Variants in MAST4 observed in about 807,000 individuals in gnomAD.
The protein encoded by MAST4 is microtubule-associated serine/threonine-protein kinase 4.
A neutral mutation model predicts 162.7 loss-of-function variants in MAST4; 89 were observed. That is an observed-to-expected ratio of 0.55 (90% CI 0.46 to 0.65). MAST4 has a LOEUF of 0.65. Ranked by LOEUF, MAST4 falls within the 30% of genes least tolerant of loss-of-function variation. The pLI is 0.00. For synonymous variants in MAST4, 1,479 were observed against 1,361.1 expected (o/e 1.09, Z -1.91); for missense variants, 3,153 against 3,374.0 (o/e 0.93, Z 1.62).
At chr5:66,976,770 C>G (rs1748192212) in intron 4 of MAST4, among the ~76,000 whole-genome samples, 1 of 152,164 alleles carries the variant, frequency 6.6e-6, no homozygotes, top group African/African-American at 2.4e-5. Flanking sequence ...TACCCATGAC[C>G]TTTATGAGAC....
chr5:67,118,737 T>C lies in MAST4; in HGVS notation c.1647T>C (p.Asp549=), dbSNP rs767792185. 1.3e-6 allele frequency: 2 copies of C among 1,562,082 alleles called. No homozygotes were observed. The highest frequency in any genetic ancestry group is 1.7e-6 in the Non-Finnish European group (2 of 1,145,212). ...GGACAGCAGAAACACCAGAAACAGA[T>C]GAATCAGTGAGTGTAAGTATATTTC... is the stretch of plus-strand genomic sequence containing the variant. ...DSGTAETPET[D]ESVSSSNASL... Residue 549 remains aspartate, a synonymous_variant, in exon 13 of 29, where the codon GAT becomes GAC. Coordinates refer to ENST00000403625, the MANE Select transcript of MAST4 (RefSeq NM_001164664.2).
At chr5:66,633,616 T>C (rs1213637923) in intron 1 of MAST4, among the ~76,000 whole-genome samples, 1 of 152,246 alleles carries the variant, frequency 6.6e-6, no homozygotes, top group Non-Finnish European at 1.5e-5. Flanking sequence ...GCTAGGAATG[T>C]TAGATTTTTA....
At chr5:66,759,916 T>G (rs1753759165) in intron 2 of MAST4, 54 bp downstream of exon 2, 1 of 1,593,456 alleles carries the variant, frequency 6.3e-7, no homozygotes, top group Admixed American at 1.7e-5. Flanking sequence ...TACAAGGTCC[T>G]GCATGGCCCC....
At chr5:67,035,286 A>G (rs1416303885) in intron 4 of MAST4, among the ~76,000 whole-genome samples, 2 of 152,154 alleles carry the variant, frequency 1.3e-5, no homozygotes, top group African/African-American at 4.8e-5. Context: ...TTTCATTAGC[A>G]AACTGTACAG....
intron 1 of MAST4, among the ~76,000 whole-genome samples, chr5:66,645,208 C>A (rs1197911600): frequency 6.6e-6 from 1 of 151,992 alleles, no homozygotes; most frequent in African/African-American, 2.4e-5. Context: ...AAACTAAGGC[C>A]CAGAGGGATG....
At chr5:66,825,155 C>T (rs1757179655) in intron 3 of MAST4, among the ~76,000 whole-genome samples, 1 of 152,064 alleles carries the variant, frequency 6.6e-6, no homozygotes, top group Admixed American at 6.6e-5. Context: ...TATCACTTAG[C>T]TTAAAACATG....
chr5:66,764,379 A>G (rs996398815), intron 2 of MAST4, among the ~76,000 whole-genome samples: 5 of 152,230 alleles, frequency 3.3e-5, no homozygotes, highest in Non-Finnish European at 7.3e-5. Flanking sequence ...ATATTGGCTA[A>G]TGCAAACGGC....
At chr5:66,958,033 CAG>C (rs1161467453) in intron 4 of MAST4, among the ~76,000 whole-genome samples, 1 of 151,760 alleles carries the variant, frequency 6.6e-6, no homozygotes, top group Admixed American at 6.5e-5. Context: ...TGTAAAAAGA[CAG>C]AGTTTGACTT....
intron 4 of MAST4, among the ~76,000 whole-genome samples, chr5:67,025,017 CTAACTA>C (rs1754469057): frequency 6.6e-6 from 1 of 152,106 alleles, no homozygotes; most frequent in African/African-American, 2.4e-5. Context: ...GTTTCTGCCA[CTAACTA>C]GTTGTGTGAC....
intron 2 of MAST4, among the ~76,000 whole-genome samples, chr5:66,788,259 G>A (rs1048063731): frequency 6.6e-6 from 1 of 152,180 alleles, no homozygotes; most frequent in African/African-American, 2.4e-5. Flanking sequence ...CCACTTTGTA[G>A]ATTATTTTAT....
chr5:67,065,530 A>G (rs7731707), intron 5 of MAST4, among the ~76,000 whole-genome samples: 6,799 of 152,262 alleles, frequency 0.045, 432 homozygotes, highest in African/African-American at 0.14. Context: ...CGTTAGTGTG[A>G]GGATCAGCCA....
intron 14 of MAST4, among the ~76,000 whole-genome samples, chr5:67,128,279 G>A (rs1411962100): frequency 6.6e-6 from 1 of 152,106 alleles, no homozygotes; most frequent in South Asian, 2.1e-4. Flanking sequence ...AAAATGGTGG[G>A]AGCCCAAGGC....
intron 1 of MAST4, among the ~76,000 whole-genome samples, chr5:66,611,844 T>A (rs1200933381): frequency 6.6e-6 from 1 of 152,266 alleles, no homozygotes; most frequent in Non-Finnish European, 1.5e-5. Flanking sequence ...TAATTACTAC[T>A]GCTGCTTTCT....
chr5:66,681,527 C>T (rs1748326578), intron 1 of MAST4, among the ~76,000 whole-genome samples: 1 of 152,190 alleles, frequency 6.6e-6, no homozygotes, highest in Non-Finnish European at 1.5e-5. Context: ...AACAGACTTC[C>T]CAGGTCCCTG....
intron 4 of MAST4, among the ~76,000 whole-genome samples, chr5:66,980,522 G>A (rs1323722904): frequency 6.6e-6 from 1 of 152,182 alleles, no homozygotes; most frequent in Non-Finnish European, 1.5e-5. Flanking sequence ...TGGTTTTGGA[G>A]CTCTATGCCT....
At chr5:67,090,752 T>C (rs1763774697) in intron 6 of MAST4, among the ~76,000 whole-genome samples, 1 of 151,844 alleles carries the variant, frequency 6.6e-6, no homozygotes, top group Non-Finnish European at 1.5e-5. Flanking sequence ...GTGTTTTCAT[T>C]GTTCAGAGGA....
intron 3 of MAST4, among the ~76,000 whole-genome samples, chr5:66,851,234 T>G (rs1486580607): frequency 1.3e-5 from 2 of 152,208 alleles, no homozygotes; most frequent in Admixed American, 1.3e-4. Flanking sequence ...AATCAACTAC[T>G]TTGAAGTCTA....
chr5:66,795,985 A>G (rs1755628068), intron 3 of MAST4, among the ~76,000 whole-genome samples: 1 of 152,180 alleles, frequency 6.6e-6, no homozygotes, highest in Non-Finnish European at 1.5e-5. Context: ...TTCTGTTTAT[A>G]GTGAAGGGAT....
intron 5 of MAST4, 97 bp downstream of exon 5, chr5:67,054,589 G>GTTATCTTTGT (rs1561584149): frequency 2.8e-6 from 3 of 1,060,124 alleles, no homozygotes; most frequent in African/African-American, 3.3e-5. Context: ...GTCTTCACAT[G>GTTATCTTTGT]TTATCTTTGT....
Sources: allele counts gnomAD v4.1 joint callset (sites outside exome capture counted in the v4.1 genomes callset), GRCh38; gene constraint gnomAD v4.1.1; transcripts MANE v1.5; gene names NCBI Gene and HGNC (gene_info 2026-07-23, HGNC 2026-07-21).